The following HS6ST1 variants were observed in gnomAD, a reference collection of about 807,000 sequenced individuals.
HS6ST1 encodes heparan-sulfate 6-O-sulfotransferase 1.
HS6ST1 carries 3 observed loss-of-function variants against 25.2 expected under a neutral mutation model. The observed-to-expected ratio is 0.12, with a 90% confidence interval of 0.05 to 0.31. The LOEUF (loss-of-function observed/expected upper bound fraction) is 0.31, where lower values mean the gene tolerates loss of function less well. Among genes scored for constraint, HS6ST1 ranks in the 10% least tolerant of loss-of-function variants. The pLI is 1.00. For synonymous variants in HS6ST1, 204 were observed against 275.1 expected (o/e 0.74, Z 2.56); for missense variants, 310 against 609.6 (o/e 0.51, Z 5.18).
chr2:128,302,305 G>C (rs891197087), intron 1 of HS6ST1, among the ~76,000 whole-genome samples: 8 of 152,220 alleles, frequency 5.3e-5, no homozygotes, highest in Admixed American at 5.2e-4. Flanking sequence ...GTCAGGCTGA[G>C]CTGGAGCTGT....
Position 128,268,654 on chromosome 2 carries a change from G to A in HS6ST1, c.744C>T (p.Asn248=). Reference sequence around the variant, plus strand: ...GGTCGGCCAGCATGCGCACCTGGCGGTTGTTGGCCAGGTTGTACGGGCAGT... The same window carrying A: ...GGTCGGCCAGCATGCGCACCTGGCGATTGTTGGCCAGGTTGTACGGGCAGT... ...FMDCPYNLAN[N]RQVRMLADLS... is the part of the protein sequence containing the mutation. The change falls in exon 2 of 2, where the codon AAC becomes AAT. Residue 248 remains asparagine, a synonymous_variant. Transcript: ENST00000259241. 1 of 1,610,394 alleles carries A rather than the reference G, an allele frequency of 6.2e-7. No homozygotes were observed.
intron 1 of HS6ST1, among the ~76,000 whole-genome samples, chr2:128,291,150 TAAAA>T (rs1300429348): frequency 6.6e-6 from 1 of 152,222 alleles, no homozygotes; most frequent in Non-Finnish European, 1.5e-5. Context: ...GCTGACACAA[TAAAA>T]CAAGGAGGAA....
chr2:128,291,313 C>A (rs1693949493), intron 1 of HS6ST1, among the ~76,000 whole-genome samples: 2 of 152,390 alleles, frequency 1.3e-5, no homozygotes, highest in South Asian at 4.1e-4. Flanking sequence ...TTTTCTTGCC[C>A]ACTGCCCTTG....
chr2:128,279,655 T>C (rs1693749400), intron 1 of HS6ST1, among the ~76,000 whole-genome samples: 1 of 152,122 alleles, frequency 6.6e-6, no homozygotes, highest in Admixed American at 6.5e-5. Flanking sequence ...GGCACGGTGA[T>C]GCACACCTCC....
intron 1 of HS6ST1, among the ~76,000 whole-genome samples, chr2:128,306,311 C>T (rs1382794753): frequency 6.6e-6 from 1 of 152,146 alleles, no homozygotes; most frequent in African/African-American, 2.4e-5. Flanking sequence ...CGCGCCGCTG[C>T]GAAGATTTCT....
At chr2:128,277,408 C>T (rs1379357151) in intron 1 of HS6ST1, among the ~76,000 whole-genome samples, 1 of 152,240 alleles carries the variant, frequency 6.6e-6, no homozygotes, top group Non-Finnish European at 1.5e-5. Flanking sequence ...ATGGGGCACA[C>T]ACTGGTCACT....
At chr2:128,269,444 A>G (rs996006255) in intron 1 of HS6ST1, among the ~76,000 whole-genome samples, 2 of 152,120 alleles carry the variant, frequency 1.3e-5, no homozygotes, top group African/African-American at 4.8e-5. Context: ...ACACCAACGC[A>G]TTGCACAGTA....
At position 128,318,388 on chromosome 2, in the gene HS6ST1, G is replaced by A; in HGVS notation, c.176C>T (p.Thr59Ile). Reference protein sequence around the residue: ...APPDDLDLFPTPDPHYEKKYY... With the variant: ...APPDDLDLFPIPDPHYEKKYY... ...CTTCTTCTCGTAGTGGGGGTCGGGT[G>A]TGGGGAACAGGTCCAGGTCGTCGGG... Residue 59 changes from threonine to isoleucine, a missense_variant, in exon 1 of 2, where the codon ACA (threonine) becomes ATA (isoleucine). Physicochemically the swap from Thr to Ile is moderately conservative, Grantham distance 89 (BLOSUM62 -1). This residue lies in a region of HS6ST1 where 63 missense variants were observed against 105.4 expected (regional missense o/e 0.60). Transcript: ENST00000259241. The surrounding 1 kb of genome is among the most constrained non-coding windows in gnomAD (Gnocchi z 5.7). 1 of 1,604,860 alleles carries A rather than the reference G, an allele frequency of 6.2e-7. No individual in the cohort carries two copies. Among genetic ancestry groups the A allele is most frequent in the Non-Finnish European group, 8.5e-7 (1 of 1,176,818 alleles).
chr2:128,280,509 G>C (rs759419608), intron 1 of HS6ST1, among the ~76,000 whole-genome samples: 3 of 152,230 alleles, frequency 2.0e-5, no homozygotes, highest in Admixed American at 6.5e-5. Flanking sequence ...ACCTGACCCA[G>C]TGCCGCAGCA....
chr2:128,301,243 C>T (rs1231702717), intron 1 of HS6ST1, among the ~76,000 whole-genome samples: 3 of 151,926 alleles, frequency 2.0e-5, no homozygotes, highest in South Asian at 2.1e-4. Flanking sequence ...CTCTAGCCAC[C>T]CCTCTGTGTG....
At chr2:128,302,599 C>T (rs1318511821) in intron 1 of HS6ST1, among the ~76,000 whole-genome samples, 2 of 152,126 alleles carry the variant, frequency 1.3e-5, no homozygotes, top group African/African-American at 4.8e-5. Context: ...GTGGCTCCCT[C>T]CCAAACCCCC....
intron 1 of HS6ST1, among the ~76,000 whole-genome samples, chr2:128,279,310 TAG>T (rs1474891101): frequency 6.6e-6 from 1 of 150,906 alleles, no homozygotes; most frequent in Non-Finnish European, 1.5e-5. Flanking sequence ...CGCTGTCATT[TAG>T]AGTCAGAATG....
intron 1 of HS6ST1, among the ~76,000 whole-genome samples, chr2:128,285,586 G>A (rs1255044970): frequency 1.0e-5 from 1 of 97,964 alleles, no homozygotes. Context: ...GGGAAGCCTT[G>A]GGGGATGGGC....
rs2104906217 is a variant in HS6ST1 at position 128,265,934 on chromosome 2, G to C, written c.*2228C>G. 6.6e-6 allele frequency: 1 copy of C among 151,738 alleles called. No homozygotes were observed. The highest frequency in any genetic ancestry group is 1.9e-4 in the East Asian group (1 of 5,174). 9.4% of individuals were successfully genotyped at this position (151,738 alleles called of 1,614,324 possible). ...TGGGAAGTGCCAGGCTGGACACTTGGGGGCTGAGGGCACTGCCAGCTGCCG... is the reference window on the plus strand; with the variant it reads ...TGGGAAGTGCCAGGCTGGACACTTGCGGGCTGAGGGCACTGCCAGCTGCCG... On this transcript the variant is annotated 3_prime_UTR_variant, in exon 2 of 2. Transcript: ENST00000259241.
chr2:128,318,005 C>G lies in HS6ST1; in HGVS notation c.527+32G>C. 2 of 1,429,042 alleles carry G rather than the reference C, an allele frequency of 1.4e-6. No individual in the cohort carries two copies. The highest frequency in any genetic ancestry group is 3.1e-5 in the Admixed American group (1 of 31,756). 88.5% of individuals were successfully genotyped at this position (1,429,042 alleles called of 1,614,324 possible). ...ATACGGCCCGGCCTCGGGGGCGCAG[C>G]TGCGCGAGGATCCCGCCGCCCGGGC... On this transcript the variant is annotated intron_variant, in intron 1 of 1. Coordinates refer to ENST00000259241, the MANE Select transcript of HS6ST1 (RefSeq NM_004807.3). The surrounding 1 kb of genome is among the most constrained non-coding windows in gnomAD (Gnocchi z 5.7).
chr2:128,288,274 T>TGGAG (rs1263688894), intron 1 of HS6ST1, among the ~76,000 whole-genome samples: 2 of 151,466 alleles, frequency 1.3e-5, no homozygotes, highest in Non-Finnish European at 2.9e-5. Context: ...AAGAGAGACG[T>TGGAG]GGAGGCCCGA....
At chr2:128,293,015 G>C (rs951826282) in intron 1 of HS6ST1, among the ~76,000 whole-genome samples, 8 of 152,156 alleles carry the variant, frequency 5.3e-5, no homozygotes, top group African/African-American at 1.9e-4. Context: ...TCCTTGCCGT[G>C]GCTGCAGCCC....
At chr2:128,282,297 A>G (rs1036406507) in intron 1 of HS6ST1, among the ~76,000 whole-genome samples, 3 of 152,208 alleles carry the variant, frequency 2.0e-5, no homozygotes, top group African/African-American at 7.2e-5. Flanking sequence ...CACTGTAAAC[A>G]GAAACTGCGG....
chr2:128,311,801 T>C (rs776093209), intron 1 of HS6ST1, among the ~76,000 whole-genome samples: 1 of 152,158 alleles, frequency 6.6e-6, no homozygotes, highest in Non-Finnish European at 1.5e-5. Context: ...CACTGCCTCC[T>C]GCAGGGCTGA....
Sources: gnomAD v4.1 joint callset for allele counts (sites outside exome capture counted in the v4.1 genomes callset) on GRCh38, gnomAD v4.1.1 for gene constraint, gnomAD v4.1.1 regional missense constraint, Gnocchi (gnomAD v3.1) non-coding constraint, MANE v1.5 for transcripts, NCBI Gene and HGNC (gene_info 2026-07-23, HGNC 2026-07-21) for gene names.